KCNH1: variants seen among roughly 807,000 people sequenced by gnomAD.
KCNH1 encodes the protein voltage-gated delayed rectifier potassium channel KCNH1.
KCNH1 carries 27 observed loss-of-function variants against 69.2 expected under a neutral mutation model. The observed-to-expected ratio is 0.39, with a 90% CI of 0.29 to 0.54. KCNH1 has a LOEUF of 0.54. Among genes scored for constraint, KCNH1 ranks in the 20% least tolerant of loss-of-function variants. KCNH1 has a pLI of 0.68. For synonymous variants in KCNH1, 456 were observed against 487.7 expected (o/e 0.93, Z 0.86); for missense variants, 798 against 1,261.6 (o/e 0.63, Z 5.57).
chr1:210,954,697 T>C (rs1688133920), intron 6 of KCNH1, among the ~76,000 whole-genome samples: 1 of 152,248 alleles, frequency 6.6e-6, no homozygotes. Flanking sequence ...GCTGCACAAA[T>C]GTCTTCTTTT....
At chr1:210,720,337 G>A (rs906684923) in intron 10 of KCNH1, among the ~76,000 whole-genome samples, 1 of 152,118 alleles carries the variant, frequency 6.6e-6, no homozygotes. Flanking sequence ...CAAGGCAGGA[G>A]GTATAACGCA....
chr1:210,807,256 G>A (rs951759686), intron 7 of KCNH1, among the ~76,000 whole-genome samples: 77 of 151,800 alleles, frequency 5.1e-4, no homozygotes, highest in Non-Finnish European at 2.1e-4. Context: ...TTATGGTCAC[G>A]CTTCCCTCAG....
chr1:211,127,882 A>T (rs879403318), intron 1 of KCNH1, among the ~76,000 whole-genome samples: 2 of 152,236 alleles, frequency 1.3e-5, no homozygotes, highest in African/African-American at 4.8e-5. Flanking sequence ...TCCAAAAGAC[A>T]TACTAAAAAT....
chr1:210,807,446 AAAAC>A (rs1382772928), intron 7 of KCNH1, among the ~76,000 whole-genome samples: 3 of 152,050 alleles, frequency 2.0e-5, no homozygotes, highest in East Asian at 3.9e-4. Flanking sequence ...CTCTACTAAA[AAAAC>A]AAACAAAAAA....
intron 6 of KCNH1, among the ~76,000 whole-genome samples, chr1:210,958,134 C>T (rs1056441752): frequency 6.6e-6 from 1 of 152,140 alleles, no homozygotes; most frequent in African/African-American, 2.4e-5. Context: ...TCAGCATTTG[C>T]TTGTCTGTAA....
chr1:210,753,086 C>T (rs920470057), intron 10 of KCNH1, among the ~76,000 whole-genome samples: 3 of 152,148 alleles, frequency 2.0e-5, no homozygotes, highest in African/African-American at 4.8e-5. Flanking sequence ...TGTGGCCCTA[C>T]CAACACCTTG....
intron 6 of KCNH1, among the ~76,000 whole-genome samples, chr1:211,001,776 A>G (rs1689184413): frequency 6.6e-6 from 1 of 152,210 alleles, no homozygotes; most frequent in African/African-American, 2.4e-5. Context: ...AATGTCCATC[A>G]ATGATAGACT....
In KCNH1 at chr1:211,114,573, C is replaced by T. The variant is rs183422856; in HGVS notation, c.80-7196G>A. Among the ~76,000 whole-genome samples, 204 of 152,264 alleles carry T rather than the reference C, an allele frequency of 1.3e-3. 2 individuals are homozygous for T. Among genetic ancestry groups the T allele is most frequent in the African/African-American group, 4.3e-3 (180 of 41,558 alleles). On this transcript the variant is annotated intron_variant, in intron 1 of 10. Transcript: ENST00000271751. ...ATCTCCTGAATAAAGTACATAAATT[C>T]CAGTACGAGGACACTATGACAGCAA...
At chr1:210,981,369 C>T (rs77241840) in intron 6 of KCNH1, among the ~76,000 whole-genome samples, 4 of 22,578 alleles carry the variant, frequency 1.8e-4, no homozygotes, top group East Asian at 2.6e-3. Flanking sequence ...GAAGTAACAA[C>T]GACAAAAAAA....
intron 10 of KCNH1, among the ~76,000 whole-genome samples, chr1:210,688,690 A>G (rs1312281182): frequency 2.6e-5 from 4 of 152,220 alleles, no homozygotes; most frequent in Non-Finnish European, 5.9e-5. Flanking sequence ...GAACTCTTAC[A>G]TGAGCTCAGA....
intron 6 of KCNH1, among the ~76,000 whole-genome samples, chr1:210,974,569 T>TC (rs1161170703): frequency 6.9e-6 from 1 of 144,630 alleles, no homozygotes. Flanking sequence ...TCCTTTTTTT[T>TC]TTTTTTTTTT....
chr1:210,903,367 A>G (rs1039579486), intron 7 of KCNH1, among the ~76,000 whole-genome samples: 6 of 152,218 alleles, frequency 3.9e-5, no homozygotes, highest in Admixed American at 1.3e-4. Context: ...TGGATAAAAT[A>G]TACTTGTCAA....
chr1:211,035,217 A>G (rs1478738966), intron 5 of KCNH1, among the ~76,000 whole-genome samples: 1 of 143,132 alleles, frequency 7.0e-6, no homozygotes, highest in Non-Finnish European at 1.5e-5. Flanking sequence ...TTACATTTAA[A>G]CCATAGGGTA....
At chr1:210,843,350 C>T (rs752596378) in intron 7 of KCNH1, among the ~76,000 whole-genome samples, 95 of 152,080 alleles carry the variant, frequency 6.2e-4, no homozygotes, top group Non-Finnish European at 9.6e-4. Flanking sequence ...CCTGGAATAT[C>T]CTATTGTATA....
chr1:211,070,426 A>ACACACACACAC (rs1553376612), intron 5 of KCNH1, among the ~76,000 whole-genome samples: 5 of 108,384 alleles, frequency 4.6e-5, no homozygotes, highest in African/African-American at 1.6e-4. Context: ...TTTAAAAAAA[A>ACACACACACAC]AAAAACACAC....
intron 7 of KCNH1, among the ~76,000 whole-genome samples, chr1:210,828,198 G>A (rs890852340): frequency 6.6e-6 from 1 of 152,032 alleles, no homozygotes; most frequent in African/African-American, 2.4e-5. Flanking sequence ...ATGGGTTATT[G>A]GAAGATTAAT....
At chr1:210,770,315 A>G (rs1236478137) in intron 10 of KCNH1, among the ~76,000 whole-genome samples, 3 of 152,238 alleles carry the variant, frequency 2.0e-5, no homozygotes, top group Non-Finnish European at 4.4e-5. Context: ...TGGCACATGT[A>G]TACCTATGTA....
At chr1:211,113,974 TCACACACA>T (rs371049407) in intron 1 of KCNH1, among the ~76,000 whole-genome samples, 166 of 142,474 alleles carry the variant, frequency 1.2e-3, no homozygotes, top group South Asian at 3.6e-3. Flanking sequence ...TCTCTCTCTC[TCACACACA>T]CACACACACA....
intron 7 of KCNH1, among the ~76,000 whole-genome samples, chr1:210,830,360 C>T (rs1685131742): frequency 6.6e-6 from 1 of 152,222 alleles, no homozygotes; most frequent in African/African-American, 2.4e-5. Flanking sequence ...CCTAAAGAAG[C>T]CCAGCTCTGG....
Sources: gnomAD v4.1 joint callset for allele counts (sites outside exome capture counted in the v4.1 genomes callset) on GRCh38, gnomAD v4.1.1 for gene constraint, MANE v1.5 for transcripts, NCBI Gene and HGNC (gene_info 2026-07-23, HGNC 2026-07-21) for gene names.